Variants in TRPM3 observed in about 807,000 individuals in gnomAD.
The protein encoded by TRPM3 is long transient receptor potential channel 3.
Under a neutral mutation model 181.2 loss-of-function variants are expected in TRPM3, and 77 were observed. The ratio of observed to expected loss-of-function variants is 0.42; its 90% CI spans 0.35 to 0.51. The LOEUF is 0.51. TRPM3 is among the 20% of genes least tolerant of loss of function. The probability of loss-of-function intolerance (pLI) is 0.01; values close to 1 mark genes in which losing one functional copy is unlikely to be tolerated. For synonymous variants in TRPM3, 745 were observed against 796.4 expected (o/e 0.94, Z 1.09); for missense variants, 1,759 against 2,196.7 (o/e 0.80, Z 3.98).
intron 22 of TRPM3, among the ~76,000 whole-genome samples, chr9:70,589,993 T>C (rs948378394): frequency 1.3e-5 from 2 of 152,192 alleles, no homozygotes; most frequent in Non-Finnish European, 2.9e-5. Flanking sequence ...TAAGCTATAC[T>C]ACCTGGTTAT....
At chr9:71,320,854 CT>C (rs1015450356) in intron 1 of TRPM3, among the ~76,000 whole-genome samples, 3 of 151,998 alleles carry the variant, frequency 2.0e-5, no homozygotes, top group African/African-American at 7.3e-5. Context: ...GATCTTCCTC[CT>C]CAAAAGGATC....
intron 1 of TRPM3, among the ~76,000 whole-genome samples, chr9:70,956,957 CTTTCTTTTTTT>C (rs1405143877): frequency 7.9e-5 from 6 of 76,198 alleles, no homozygotes; most frequent in African/African-American, 3.8e-4. Context: ...ACATTTCTTT[CTTTCTTTTTTT>C]TTTTTTTTTT....
intron 1 of TRPM3, among the ~76,000 whole-genome samples, chr9:71,407,985 T>G (rs2093469654): frequency 6.6e-6 from 1 of 152,138 alleles, no homozygotes; most frequent in South Asian, 2.1e-4. Flanking sequence ...TCCAGCAAAT[T>G]CCAACAGACC....
chr9:70,788,108 C>T (rs2084346407), intron 6 of TRPM3, among the ~76,000 whole-genome samples: 1 of 149,238 alleles, frequency 6.7e-6, no homozygotes, highest in Non-Finnish European at 1.5e-5. Context: ...GTGCGCTGCA[C>T]CCACTAACTC....
chr9:71,151,832 C>G (rs1396020604), intron 1 of TRPM3, among the ~76,000 whole-genome samples: 1 of 151,990 alleles, frequency 6.6e-6, no homozygotes, highest in African/African-American at 2.4e-5. Flanking sequence ...GTGAAAAAGG[C>G]AAGGTGGATA....
At chr9:71,138,547 T>C (rs186188446) in intron 1 of TRPM3, among the ~76,000 whole-genome samples, 153 of 146,804 alleles carry the variant, frequency 1.0e-3, no homozygotes, top group Non-Finnish European at 1.5e-3. Context: ...CTTTTTCTTT[T>C]TTTTTCAGTT....
At chr9:71,383,090 T>C (rs1016200055) in intron 1 of TRPM3, among the ~76,000 whole-genome samples, 1 of 152,204 alleles carries the variant, frequency 6.6e-6, no homozygotes, top group African/African-American at 2.4e-5. Context: ...CTAACATTAA[T>C]AACACTCAAT....
At chr9:71,099,189 T>C (rs1433410814) in intron 1 of TRPM3, among the ~76,000 whole-genome samples, 3 of 152,158 alleles carry the variant, frequency 2.0e-5, no homozygotes, top group Non-Finnish European at 4.4e-5. Context: ...TGGTCCACTT[T>C]CTGGTCCATA....
rs71505922 is a variant in TRPM3 at position 71,096,104 on chromosome 9, A to G, written c.177+25074T>C. Among the ~76,000 whole-genome samples, 1,068 of 152,124 alleles carry G rather than the reference A, an allele frequency of 7.0e-3. 2 individuals are homozygous for G. The highest frequency in any genetic ancestry group is 0.019 in the South Asian group (91 of 4,816). On this transcript the variant is annotated intron_variant, in intron 1 of 25. Transcript: ENST00000677713. ...AGTTTTTCTTGTTTCTGGAGGACGA[A>G]GTATGATTTTAAGTGAAGTTAATGT... is the stretch of plus-strand genomic sequence containing the variant.
At chr9:71,425,170 A>G (rs2131575229) in intron 1 of TRPM3, among the ~76,000 whole-genome samples, 1 of 151,926 alleles carries the variant, frequency 6.6e-6, no homozygotes, top group East Asian at 1.9e-4. Flanking sequence ...TCTTTCCTAG[A>G]CCCCCTTATT....
intron 1 of TRPM3, among the ~76,000 whole-genome samples, chr9:71,439,409 A>C (rs964980038): frequency 3.9e-5 from 6 of 152,240 alleles, no homozygotes; most frequent in African/African-American, 1.4e-4. Context: ...TATACACATC[A>C]ATACACTTAA....
intron 22 of TRPM3, among the ~76,000 whole-genome samples, chr9:70,562,632 G>T (rs2049410234): frequency 6.8e-6 from 1 of 147,068 alleles, no homozygotes; most frequent in African/African-American, 2.5e-5. Context: ...GGGGAGGTAT[G>T]GGGGGAAGAG....
At chr9:70,921,607 T>C (rs960926934) in intron 1 of TRPM3, among the ~76,000 whole-genome samples, 2 of 152,202 alleles carry the variant, frequency 1.3e-5, no homozygotes, top group Admixed American at 6.5e-5. Flanking sequence ...AGTCTCTAAG[T>C]AGCTCAAAGA....
chr9:70,645,077 A>G (rs1483869568), intron 9 of TRPM3, among the ~76,000 whole-genome samples: 3 of 152,172 alleles, frequency 2.0e-5, no homozygotes, highest in Non-Finnish European at 4.4e-5. Context: ...ACAAATGGAA[A>G]AACATTCCTT....
chr9:70,589,408 C>T (rs768266326), intron 22 of TRPM3, among the ~76,000 whole-genome samples: 26 of 152,308 alleles, frequency 1.7e-4, no homozygotes, highest in South Asian at 1.2e-3. Context: ...ATTGTCAAAA[C>T]TTCCCTGGGG....
Position 71,073,590 on chromosome 9 carries a change from T to C in TRPM3, c.177+47588A>G, listed in dbSNP as rs140225637. Among the ~76,000 whole-genome samples, 17 of 152,206 alleles carry C rather than the reference T, an allele frequency of 1.1e-4. No homozygotes were observed. The East Asian group carries it at 3.3e-3, about 29-fold the overall frequency. ...AAATGCCCATTGATATTTTCTTGAGTAAGAAAAGCAAGCTACAATATTCCT... is the reference window on the plus strand; with the variant it reads ...AAATGCCCATTGATATTTTCTTGAGCAAGAAAAGCAAGCTACAATATTCCT... On this transcript the variant is annotated intron_variant, in intron 1 of 25. Transcript: ENST00000677713.
chr9:71,213,900 T>G (rs1263498152), intron 1 of TRPM3, among the ~76,000 whole-genome samples: 2 of 152,222 alleles, frequency 1.3e-5, no homozygotes, highest in Non-Finnish European at 2.9e-5. Context: ...TAATAGGATC[T>G]GCTTACCACA....
chr9:70,859,182 T>A (rs2095463463), intron 3 of TRPM3, among the ~76,000 whole-genome samples: 1 of 152,152 alleles, frequency 6.6e-6, no homozygotes, highest in South Asian at 2.1e-4. Flanking sequence ...GGACCCTACA[T>A]TTTAATTTTG....
At chr9:70,542,429 C>T (rs1424660100) in intron 25 of TRPM3, among the ~76,000 whole-genome samples, 4 of 152,096 alleles carry the variant, frequency 2.6e-5, no homozygotes, top group Non-Finnish European at 4.4e-5. Flanking sequence ...CTGAATAACT[C>T]AAGTAGTGAT....
Sources: gnomAD v4.1 joint callset for allele counts (sites outside exome capture counted in the v4.1 genomes callset) on GRCh38, gnomAD v4.1.1 for gene constraint, MANE v1.5 for transcripts, NCBI Gene and HGNC (gene_info 2026-07-23, HGNC 2026-07-21) for gene names.